RXFP1: variants seen among roughly 807,000 people sequenced by gnomAD.
The protein encoded by RXFP1 is relaxin receptor 1.
Under a neutral mutation model 89.8 loss-of-function variants are expected in RXFP1, and 73 were observed. That is an observed-to-expected ratio of 0.81 (90% CI 0.67 to 0.99). The LOEUF (loss-of-function observed/expected upper bound fraction) is 0.99. Ranked by LOEUF, RXFP1 falls within the 50% of genes least tolerant of loss-of-function variation. The pLI is 0.00. For missense variants in RXFP1, 793 were observed against 895.5 expected (o/e 0.89, Z 1.46); for synonymous variants, 277 against 305.5 (o/e 0.91, Z 0.97).
At chr4:158,612,064 T>C (rs1237429575) in intron 6 of RXFP1, 66 bp from the exon 7 acceptor site, 1 of 1,314,844 alleles carries the variant, frequency 7.6e-7, no homozygotes, top group Non-Finnish European at 1.1e-6. Context: ...GATTATTGTT[T>C]TTACTTTTCT....
chr4:158,552,796 C>T (rs1034349015), intron 1 of RXFP1, among the ~76,000 whole-genome samples: 2 of 152,076 alleles, frequency 1.3e-5, no homozygotes, highest in Admixed American at 6.5e-5. Context: ...CAGGTATCAC[C>T]GTATTGTTCA....
intron 1 of RXFP1, among the ~76,000 whole-genome samples, chr4:158,536,947 A>G (rs1446924661): frequency 2.0e-5 from 3 of 152,096 alleles, no homozygotes; most frequent in Non-Finnish European, 4.4e-5. Context: ...ATACTCATGG[A>G]ATGCACAAAG....
intron 1 of RXFP1, among the ~76,000 whole-genome samples, chr4:158,565,432 G>A (rs1753356484): frequency 6.6e-6 from 1 of 152,106 alleles, no homozygotes; most frequent in Admixed American, 6.5e-5. Context: ...CACTATCAGT[G>A]AGCTTACCTT....
At chr4:158,606,468 G>A (rs1762549316) in intron 5 of RXFP1, among the ~76,000 whole-genome samples, 1 of 152,130 alleles carries the variant, frequency 6.6e-6, no homozygotes, top group Non-Finnish European at 1.5e-5. Flanking sequence ...AGGCAATGCA[G>A]CCTATTCCTT....
intron 15 of RXFP1, 91 bp from the exon 16 acceptor site, chr4:158,646,700 A>AT (rs1164245565): frequency 2.7e-6 from 4 of 1,478,596 alleles, no homozygotes; most frequent in East Asian, 4.6e-5. Context: ...AAACTTGACT[A>AT]TTTTTTCTAG....
chr4:158,601,257 T>C (rs1423253691), intron 4 of RXFP1, among the ~76,000 whole-genome samples: 1 of 152,056 alleles, frequency 6.6e-6, no homozygotes, highest in Non-Finnish European at 1.5e-5. Context: ...TGTAAATGAT[T>C]GTCTGCAAGA....
chr4:158,610,541 A>G (rs1311563297), intron 6 of RXFP1: 3 of 472,420 alleles, frequency 6.4e-6, no homozygotes, highest in Admixed American at 5.3e-5. Context: ...AAAACATTAG[A>G]GAACCATTTT....
At position 158,577,826 on chromosome 4, in the gene RXFP1, C is replaced by T. The variant is rs1269823271; in HGVS notation, c.187+4991C>T. Among the ~76,000 whole-genome samples, 6 of 152,040 alleles carry T rather than the reference C, an allele frequency of 3.9e-5. 1 individual carries two copies. The highest frequency in any genetic ancestry group is 5.9e-5 in the Non-Finnish European group (4 of 67,996). On this transcript the variant is annotated intron_variant, in intron 2 of 17. Transcript: ENST00000307765. ...GAAAGAACTGTCACTTTTGTGTTAT[C>T]GCAGGCACTTTAAACAAGTACTCTT...
chr4:158,606,947 T>A, intron 5 of RXFP1: 1 of 821,798 alleles, frequency 1.2e-6, no homozygotes, highest in Non-Finnish European at 2.0e-6. Context: ...AGAAATAGGG[T>A]ACTTTTCAGT....
At chr4:158,563,922 TA>T (rs1753023155) in intron 1 of RXFP1, among the ~76,000 whole-genome samples, 1 of 147,780 alleles carries the variant, frequency 6.8e-6, no homozygotes, top group African/African-American at 2.5e-5. Context: ...TAACATAACA[TA>T]ATATATAATG....
At chr4:158,577,809 T>A (rs1756552693) in intron 2 of RXFP1, among the ~76,000 whole-genome samples, 1 of 152,208 alleles carries the variant, frequency 6.6e-6, no homozygotes. Context: ...TAGAAAGAAC[T>A]GTCACTTTTG....
chr4:158,551,071 C>G (rs143383568), intron 1 of RXFP1, among the ~76,000 whole-genome samples: 230 of 151,018 alleles, frequency 1.5e-3, no homozygotes, highest in African/African-American at 4.3e-3. Context: ...CCTAAGTGTC[C>G]ATCAACAGAT....
chr4:158,554,428 C>T (rs1750824397), intron 1 of RXFP1, among the ~76,000 whole-genome samples: 1 of 152,146 alleles, frequency 6.6e-6, no homozygotes. Context: ...TTCATGTTAA[C>T]ATACCATAAT....
intron 6 of RXFP1, among the ~76,000 whole-genome samples, chr4:158,609,616 T>A (rs966561215): frequency 6.6e-6 from 1 of 152,008 alleles, no homozygotes; most frequent in Non-Finnish European, 1.5e-5. Context: ...GGTATCAGAG[T>A]TTGGGATTGA....
chr4:158,623,386 CA>C (rs200838151), intron 9 of RXFP1, among the ~76,000 whole-genome samples: 1,900 of 148,314 alleles, frequency 0.013, 23 homozygotes, highest in Non-Finnish European at 0.019. Context: ...CCTGTAATCC[CA>C]GCAAATCAGG....
chr4:158,626,131 G>T (rs939572974), intron 9 of RXFP1, among the ~76,000 whole-genome samples: 1 of 143,328 alleles, frequency 7.0e-6, no homozygotes, highest in African/African-American at 2.6e-5. Flanking sequence ...TAGATAGATA[G>T]ATAGATAGAT....
At chr4:158,606,992 T>C (rs992889984) in intron 5 of RXFP1, 3 of 1,248,210 alleles carry the variant, frequency 2.4e-6, no homozygotes, top group Non-Finnish European at 3.4e-6. Flanking sequence ...TTCGCTCATA[T>C]TGATTTCTTT....
intron 2 of RXFP1, among the ~76,000 whole-genome samples, chr4:158,583,786 T>TA (rs1757807762): frequency 6.6e-6 from 1 of 152,218 alleles, no homozygotes; most frequent in African/African-American, 2.4e-5. Flanking sequence ...CTTCCTTCTA[T>TA]ATGGCACAGA....
intron 2 of RXFP1, among the ~76,000 whole-genome samples, chr4:158,582,441 C>A (rs867362904): frequency 3.3e-5 from 5 of 152,228 alleles, no homozygotes; most frequent in African/African-American, 1.2e-4. Context: ...GCAGCATCCC[C>A]TCAGATGTGC....
Sources: allele counts gnomAD v4.1 joint callset (sites outside exome capture counted in the v4.1 genomes callset), GRCh38; gene constraint gnomAD v4.1.1; transcripts MANE v1.5; gene names NCBI Gene and HGNC (gene_info 2026-07-23, HGNC 2026-07-21).